The following CNTNAP4 variants were observed in gnomAD, a reference collection of about 807,000 sequenced individuals.
CNTNAP4 encodes contactin-associated protein-like 4.
Under a neutral mutation model 148.4 loss-of-function variants are expected in CNTNAP4, and 98 were observed. The ratio of observed to expected loss-of-function variants is 0.66; its 90% CI spans 0.56 to 0.78. CNTNAP4 has a LOEUF of 0.78. Ranked by LOEUF, CNTNAP4 falls within the 30% of genes least tolerant of loss-of-function variation. The pLI is 0.00. For missense variants in CNTNAP4, 1,935 were observed against 1,565.6 expected (o/e 1.24, Z -3.98); for synonymous variants, 730 against 565.1 (o/e 1.29, Z -4.14).
At chr16:76,395,225 T>C (rs2078156146) in intron 3 of CNTNAP4, among the ~76,000 whole-genome samples, 1 of 151,960 alleles carries the variant, frequency 6.6e-6, no homozygotes, top group Non-Finnish European at 1.5e-5. Flanking sequence ...GCAGATTTGA[T>C]ATTATTAATT....
intron 12 of CNTNAP4, among the ~76,000 whole-genome samples, chr16:76,479,825 G>A (rs943459337): frequency 2.0e-5 from 3 of 152,090 alleles, no homozygotes; most frequent in Non-Finnish European, 4.4e-5. Context: ...ATTGATACAT[G>A]TAAAAGCTTT....
Position 76,332,336 on chromosome 16 carries a change from C to T in CNTNAP4, c.196+15813C>T, listed in dbSNP as rs1022325823. On this transcript the variant is annotated intron_variant, in intron 2 of 23. Transcript: ENST00000611870. ...AGTGCAGTGGTGCAATTATAACTCA[C>T]TGCAGCCTCCACCTCTTAGGCTCAA... 4.6e-5 allele frequency among the ~76,000 whole-genome samples: 7 copies of T among 152,272 alleles called. No individual in the cohort carries two copies. The East Asian group carries it at 1.4e-3, about 29-fold the overall frequency.
At chr16:76,401,743 T>A (rs541803173) in intron 3 of CNTNAP4, among the ~76,000 whole-genome samples, 3 of 152,338 alleles carry the variant, frequency 2.0e-5, no homozygotes, top group African/African-American at 7.2e-5. Context: ...GAGGATTTTT[T>A]AACTTGAAAG....
chr16:76,379,049 C>G (rs778819794), intron 3 of CNTNAP4, among the ~76,000 whole-genome samples: 1 of 152,180 alleles, frequency 6.6e-6, no homozygotes, highest in Non-Finnish European at 1.5e-5. Context: ...CTTAGGGCCT[C>G]TGGGTTCATG....
At chr16:76,339,766 C>T (rs567167414) in intron 2 of CNTNAP4, among the ~76,000 whole-genome samples, 6 of 152,296 alleles carry the variant, frequency 3.9e-5, no homozygotes, top group Admixed American at 1.3e-4. Flanking sequence ...TGAGAAGCCT[C>T]GCTTTTATGT....
At chr16:76,443,134 T>C (rs967733217) in intron 4 of CNTNAP4, among the ~76,000 whole-genome samples, 1 of 152,026 alleles carries the variant, frequency 6.6e-6, no homozygotes, top group East Asian at 1.9e-4. Flanking sequence ...ATGTAAAATA[T>C]GTATAATATA....
intron 15 of CNTNAP4, among the ~76,000 whole-genome samples, chr16:76,500,188 C>A (rs1291208748): frequency 6.6e-6 from 1 of 151,648 alleles, no homozygotes; most frequent in Non-Finnish European, 1.5e-5. Context: ...GCGGGGGCTG[C>A]CCCCCACCTC....
intron 10 of CNTNAP4, among the ~76,000 whole-genome samples, chr16:76,473,728 C>T (rs746680057): frequency 1.4e-4 from 21 of 152,040 alleles, no homozygotes; most frequent in East Asian, 1.9e-4. Flanking sequence ...GAGCCAAGAT[C>T]GCGCCACTGC....
At chr16:76,357,782 A>T (rs1033823840) in intron 3 of CNTNAP4, among the ~76,000 whole-genome samples, 1 of 152,198 alleles carries the variant, frequency 6.6e-6, no homozygotes, top group African/African-American at 2.4e-5. Context: ...TTTTTATTAT[A>T]TTCTATTTAA....
At chr16:76,339,546 CTA>C (rs1157205949) in intron 2 of CNTNAP4, among the ~76,000 whole-genome samples, 1 of 152,126 alleles carries the variant, frequency 6.6e-6, no homozygotes, top group African/African-American at 2.4e-5. Flanking sequence ...TTAATCAAAA[CTA>C]TTTCTTAGAA....
intron 18 of CNTNAP4, among the ~76,000 whole-genome samples, chr16:76,536,257 G>A (rs1051895050): frequency 2.0e-5 from 3 of 151,858 alleles, no homozygotes; most frequent in Non-Finnish European, 2.9e-5. Context: ...GTGCAGTGGC[G>A]CAATCTCGGC....
chr16:76,448,904 C>A lies in CNTNAP4; in HGVS notation c.880C>A (p.His294Asn). The A allele has an allele frequency of 6.2e-7, 1 of 1,613,798 alleles. No homozygotes were observed. Among genetic ancestry groups the A allele is most frequent in the African/African-American group, 1.3e-5 (1 of 75,024 alleles). The change falls in exon 6 of 24, where the codon CAT (histidine) becomes AAT (asparagine). Residue 294 changes from histidine (H) to asparagine (N), a missense_variant. His to Asn is a moderately conservative substitution (Grantham distance 68, BLOSUM62 1). Transcript: ENST00000611870. ...CTTCACAGTGGACGAACACAGGCAT[C>A]ATTTCCATGCACGGGGAGAATTCAA... ...VNFTVDEHRH[H>N]FHARGEFNLM...
At chr16:76,466,796 AC>A (rs1040229037) in intron 9 of CNTNAP4, among the ~76,000 whole-genome samples, 1 of 152,190 alleles carries the variant, frequency 6.6e-6, no homozygotes, top group African/African-American at 2.4e-5. Flanking sequence ...ATCAAGACTT[AC>A]TAAAATCCTT....
chr16:76,381,782 C>T (rs780266112), intron 3 of CNTNAP4, among the ~76,000 whole-genome samples: 21 of 151,850 alleles, frequency 1.4e-4, no homozygotes, highest in Non-Finnish European at 3.1e-4. Flanking sequence ...AGTTACCTGC[C>T]GGGTGCGGTG....
At chr16:76,417,684 C>T (rs986690541) in intron 3 of CNTNAP4, among the ~76,000 whole-genome samples, 2 of 151,560 alleles carry the variant, frequency 1.3e-5, no homozygotes, top group African/African-American at 4.8e-5. Context: ...TTTATTTCTT[C>T]TTTAATGATC....
At chr16:76,290,864 A>C (rs536563823) in intron 1 of CNTNAP4, among the ~76,000 whole-genome samples, 9 of 152,318 alleles carry the variant, frequency 5.9e-5, no homozygotes, top group African/African-American at 1.9e-4. Flanking sequence ...AAGTCCATCA[A>C]AATGCCATCT....
chr16:76,498,471 T>G, intron 14 of CNTNAP4, 96 bp from the exon 15 acceptor site: 1 of 962,360 alleles, frequency 1.0e-6, no homozygotes, highest in South Asian at 1.8e-5. Context: ...CATACTCTTT[T>G]GTAGGTGCAA....
chr16:76,497,245 TAAAAG>T (rs932966896), intron 14 of CNTNAP4, among the ~76,000 whole-genome samples: 2 of 152,144 alleles, frequency 1.3e-5, no homozygotes, highest in Non-Finnish European at 2.9e-5. Flanking sequence ...CAGCAATAGA[TAAAAG>T]AATATGTGTG....
intron 3 of CNTNAP4, among the ~76,000 whole-genome samples, chr16:76,406,264 C>T (rs1025746597): frequency 2.6e-5 from 4 of 152,090 alleles, no homozygotes; most frequent in Admixed American, 1.3e-4. Context: ...TGTAATATCA[C>T]GCCACAAACC....
Sources: gnomAD v4.1 joint callset for allele counts (sites outside exome capture counted in the v4.1 genomes callset) on GRCh38, gnomAD v4.1.1 for gene constraint, MANE v1.5 for transcripts, NCBI Gene and HGNC (gene_info 2026-07-23, HGNC 2026-07-21) for gene names.